The following PRKCE variants were observed in gnomAD, a reference collection of about 807,000 sequenced individuals.
The protein encoded by PRKCE is protein kinase C epsilon type.
In PRKCE, 16 loss-of-function variants were observed where a neutral mutation model predicts 85.4. The ratio of observed to expected loss-of-function variants is 0.19; its 90% CI spans 0.13 to 0.28. The LOEUF (loss-of-function observed/expected upper bound fraction) is 0.28. Among genes scored for constraint, PRKCE ranks in the 10% least tolerant of loss-of-function variants. PRKCE has a pLI of 1.00. For synonymous variants in PRKCE, 388 were observed against 371.5 expected (o/e 1.04, Z -0.51); for missense variants, 573 against 975.2 (o/e 0.59, Z 5.49).
At chr2:45,681,956 A>G (rs1363757020) in intron 1 of PRKCE, among the ~76,000 whole-genome samples, 1 of 152,206 alleles carries the variant, frequency 6.6e-6, no homozygotes, top group Admixed American at 6.5e-5. Flanking sequence ...ACACCGCCCC[A>G]GTGGTGCAGA....
intron 10 of PRKCE, among the ~76,000 whole-genome samples, chr2:46,062,668 CTTTTTTT>C (rs71394871): frequency 2.4e-3 from 174 of 73,300 alleles, no homozygotes; most frequent in African/African-American, 1.0e-2. Flanking sequence ...AAAGCTCAGC[CTTTTTTT>C]TTTTTTTTTT....
intron 2 of PRKCE, among the ~76,000 whole-genome samples, chr2:45,963,720 G>T (rs932762008): frequency 1.3e-5 from 2 of 151,984 alleles, no homozygotes; most frequent in South Asian, 2.1e-4. Flanking sequence ...TCCTTCCCAG[G>T]TCATCTAATC....
At chr2:46,180,272 G>A (rs1679839066) in intron 14 of PRKCE, among the ~76,000 whole-genome samples, 3 of 152,204 alleles carry the variant, frequency 2.0e-5, no homozygotes, top group Admixed American at 2.0e-4. Flanking sequence ...GGGCATTCCA[G>A]GTAGAGGGCT....
At chr2:46,169,897 G>C (rs1021155798) in intron 14 of PRKCE, among the ~76,000 whole-genome samples, 3 of 152,164 alleles carry the variant, frequency 2.0e-5, no homozygotes, top group Non-Finnish European at 4.4e-5. Flanking sequence ...GGAAGTGTTA[G>C]ACAGAACTGG....
intron 1 of PRKCE, among the ~76,000 whole-genome samples, chr2:45,696,809 C>T (rs916346080): frequency 6.6e-6 from 1 of 152,292 alleles, no homozygotes; most frequent in South Asian, 2.1e-4. Flanking sequence ...ACAAGCTTTT[C>T]ATTAGACTTT....
intron 14 of PRKCE, among the ~76,000 whole-genome samples, chr2:46,178,650 T>A (rs1679672761): frequency 6.6e-6 from 1 of 152,248 alleles, no homozygotes; most frequent in Admixed American, 6.5e-5. Flanking sequence ...ATTGTTTAAA[T>A]TCTTTTTCTT....
intron 11 of PRKCE, among the ~76,000 whole-genome samples, chr2:46,098,536 A>G (rs1670921305): frequency 6.6e-6 from 1 of 151,516 alleles, no homozygotes; most frequent in Non-Finnish European, 1.5e-5. Flanking sequence ...TAGTTAGTAA[A>G]CTGATGAAAA....
chr2:45,654,036 T>G (rs1489642693), intron 1 of PRKCE, among the ~76,000 whole-genome samples: 2 of 152,186 alleles, frequency 1.3e-5, no homozygotes, highest in Non-Finnish European at 2.9e-5. Flanking sequence ...AGACCTTGAC[T>G]CTGAAAACCT....
intron 2 of PRKCE, among the ~76,000 whole-genome samples, chr2:45,881,152 CAAAA>C (rs770824515): frequency 1.1e-5 from 1 of 91,454 alleles, no homozygotes; most frequent in Non-Finnish European, 2.3e-5. Flanking sequence ...GACTCCGTCT[CAAAA>C]AAAAAAAAAA....
intron 2 of PRKCE, among the ~76,000 whole-genome samples, chr2:45,934,817 G>C (rs1287359770): frequency 6.6e-6 from 1 of 150,808 alleles, no homozygotes; most frequent in African/African-American, 2.4e-5. Flanking sequence ...ACTTTGGGAG[G>C]TTGAGGCAGT....
chr2:45,756,063 A>G (rs1229691809), intron 1 of PRKCE, among the ~76,000 whole-genome samples: 1 of 152,208 alleles, frequency 6.6e-6, no homozygotes, highest in Admixed American at 6.5e-5. Flanking sequence ...CTAGACACAC[A>G]ATGAACTGCC....
intron 2 of PRKCE, among the ~76,000 whole-genome samples, chr2:45,887,558 G>A (rs1695393537): frequency 6.6e-6 from 1 of 151,970 alleles, no homozygotes; most frequent in African/African-American, 2.4e-5. Flanking sequence ...GAAAGCTGTT[G>A]CCACTCCTAC....
At chr2:46,079,118 G>C (rs1373784554) in intron 10 of PRKCE, among the ~76,000 whole-genome samples, 2 of 149,486 alleles carry the variant, frequency 1.3e-5, no homozygotes, top group East Asian at 4.0e-4. Context: ...GGAGACTGCA[G>C]TGAGCTGAGA....
At chr2:45,869,704 C>CTT (rs1246509613) in intron 2 of PRKCE, among the ~76,000 whole-genome samples, 5,024 of 115,972 alleles carry the variant, frequency 0.043, 110 homozygotes, top group Middle Eastern at 0.073. Flanking sequence ...GTTTCTCTCT[C>CTT]TCTTTTTTTT....
At chr2:45,782,771 ACACACACACACT>A (rs1470644178) in intron 1 of PRKCE, among the ~76,000 whole-genome samples, 2 of 151,932 alleles carry the variant, frequency 1.3e-5, no homozygotes, top group African/African-American at 4.8e-5. Context: ...ACACACACAT[ACACACACACACT>A]CACACACACA....
chr2:46,175,892 T>C (rs558073650), intron 14 of PRKCE, among the ~76,000 whole-genome samples: 1 of 151,780 alleles, frequency 6.6e-6, no homozygotes, highest in Non-Finnish European at 1.5e-5. Flanking sequence ...CCTTTTGAAA[T>C]TGTTAAAAGA....
chr2:45,869,702 C>CTTTTTTT (rs201819838), intron 2 of PRKCE, among the ~76,000 whole-genome samples: 27 of 122,610 alleles, frequency 2.2e-4, no homozygotes, highest in East Asian at 1.2e-3. Context: ...TTGTTTCTCT[C>CTTTTTTT]TCTCTTTTTT....
chr2:46,141,473 G>C, intron 11 of PRKCE, among the ~76,000 whole-genome samples: 1 of 152,162 alleles, frequency 6.6e-6, no homozygotes, highest in South Asian at 2.1e-4. Context: ...TGAATAAAAA[G>C]AAATCGCCTG....
chr2:45,850,105 G>A (rs528429241), intron 2 of PRKCE, among the ~76,000 whole-genome samples: 3 of 152,302 alleles, frequency 2.0e-5, no homozygotes, highest in East Asian at 1.9e-4. Flanking sequence ...GGTTAACAAC[G>A]CCAAATGCCA....
Sources: allele counts gnomAD v4.1 joint callset (sites outside exome capture counted in the v4.1 genomes callset), GRCh38; gene constraint gnomAD v4.1.1; transcripts MANE v1.5; gene names NCBI Gene and HGNC (gene_info 2026-07-23, HGNC 2026-07-21).